C1QTNF3: variants seen among roughly 807,000 people sequenced by gnomAD.
C1QTNF3 encodes the protein C1q and TNF related 3, also known as complement C1q tumor necrosis factor-related protein 3.
C1QTNF3 carries 26 observed loss-of-function variants against 32.6 expected under a neutral mutation model. The observed-to-expected ratio is 0.80, with a 90% CI of 0.58 to 1.11. C1QTNF3 has a LOEUF of 1.11. Ranked by LOEUF, C1QTNF3 falls within the 50% of genes least tolerant of loss-of-function variation. The probability of loss-of-function intolerance (pLI) is 0.00; values close to 1 mark genes in which losing one functional copy is unlikely to be tolerated. For missense variants in C1QTNF3, 362 were observed against 398.2 expected, an observed-to-expected ratio of 0.91 and a Z score of 0.77; for synonymous variants, 155 against 146.0, an observed-to-expected ratio of 1.06 and a Z score of -0.44.
chr5:34,241,622 A>T, the C1QTNF3 span, among the ~76,000 whole-genome samples: 1 of 151,944 alleles, frequency 6.6e-6, no homozygotes, highest in African/African-American at 2.4e-5. Flanking sequence ...TACAAAACAC[A>T]GCTGAAATCT....
At chr5:34,083,343 A>G in the C1QTNF3 span, among the ~76,000 whole-genome samples, 2 of 151,698 alleles carry the variant, frequency 1.3e-5, no homozygotes, top group Admixed American at 1.3e-4. Flanking sequence ...TAAAAACTAC[A>G]ATACAACACC....
the C1QTNF3 span, among the ~76,000 whole-genome samples, chr5:34,085,955 T>C: frequency 2.0e-5 from 3 of 150,448 alleles, no homozygotes; most frequent in Non-Finnish European, 2.9e-5. Context: ...ACCCAAAGGA[T>C]TATAAATCAT....
chr5:34,079,724 T>G, the C1QTNF3 span, among the ~76,000 whole-genome samples: 1 of 151,742 alleles, frequency 6.6e-6, no homozygotes, highest in Non-Finnish European at 1.5e-5. Context: ...ATGATAAGTC[T>G]GAGTCAAAAT....
At chr5:34,022,857 T>C (rs1264403960) in intron 5 of C1QTNF3, among the ~76,000 whole-genome samples, 1 of 152,120 alleles carries the variant, frequency 6.6e-6, no homozygotes, top group Non-Finnish European at 1.5e-5. Context: ...GTTTGTTTTT[T>C]GTTTTGTTTT....
chr5:34,158,299 G>GT, the C1QTNF3 span: 1 of 151,904 alleles, frequency 6.6e-6, no homozygotes, highest in South Asian at 2.1e-4. Context: ...TAGAGTCGGG[G>GT]TTTCACCATG....
At chr5:34,114,822 G>A in the C1QTNF3 span, among the ~76,000 whole-genome samples, 1 of 144,428 alleles carries the variant, frequency 6.9e-6, no homozygotes, top group African/African-American at 2.9e-5. Context: ...ATTGTGCCCT[G>A]TGTCTTAATT....
At chr5:34,081,368 A>T in the C1QTNF3 span, among the ~76,000 whole-genome samples, 1 of 151,712 alleles carries the variant, frequency 6.6e-6, no homozygotes, top group Non-Finnish European at 1.5e-5. Context: ...GTAAAGAAAC[A>T]TTTCTTAAAG....
chr5:34,240,104 A>G, the C1QTNF3 span, among the ~76,000 whole-genome samples: 77 of 151,604 alleles, frequency 5.1e-4, no homozygotes, highest in African/African-American at 1.9e-3. Flanking sequence ...TGGGAACACA[A>G]ATTACCAAAA....
the C1QTNF3 span, among the ~76,000 whole-genome samples, chr5:34,159,211 C>A: frequency 6.6e-6 from 1 of 151,806 alleles, no homozygotes; most frequent in Non-Finnish European, 1.5e-5. Context: ...AATTCATAAA[C>A]CTATAATGTT....
chr5:34,021,634 A>T (rs1296975444), intron 5 of C1QTNF3, among the ~76,000 whole-genome samples: 1 of 152,228 alleles, frequency 6.6e-6, no homozygotes, highest in Non-Finnish European at 1.5e-5. Flanking sequence ...GCTGTAAGTC[A>T]TCATTCTCAG....
At chr5:34,034,396 G>A (rs1185939215) in intron 2 of C1QTNF3, among the ~76,000 whole-genome samples, 1 of 152,058 alleles carries the variant, frequency 6.6e-6, no homozygotes, top group African/African-American at 2.4e-5. Context: ...TTTATAACTG[G>A]GGAAAAGGTA....
the C1QTNF3 span, among the ~76,000 whole-genome samples, chr5:34,241,842 T>C: frequency 6.6e-6 from 1 of 150,746 alleles, no homozygotes. Context: ...CAGTGAGCTA[T>C]AGTAACTCCA....
chr5:34,242,373 G>A, the C1QTNF3 span, among the ~76,000 whole-genome samples: 699 of 152,256 alleles, frequency 4.6e-3, 5 homozygotes, highest in African/African-American at 0.016. Context: ...ACCACCATCT[G>A]GATCGTGGAC....
chr5:34,056,454 GTATATATA>G, the C1QTNF3 span, among the ~76,000 whole-genome samples: 1 of 48,972 alleles, frequency 2.0e-5, no homozygotes, highest in South Asian at 8.9e-4. Flanking sequence ...GTGTGTGTGT[GTATATATA>G]TATATATATA....
At chr5:34,138,485 G>A in the C1QTNF3 span, among the ~76,000 whole-genome samples, 32 of 151,772 alleles carry the variant, frequency 2.1e-4, no homozygotes, top group Admixed American at 3.9e-4. Context: ...ACCTAGAAAG[G>A]TTTGAGTATT....
the C1QTNF3 span, among the ~76,000 whole-genome samples, chr5:34,092,873 T>C: frequency 1.3e-5 from 2 of 152,066 alleles, no homozygotes; most frequent in Non-Finnish European, 2.9e-5. Context: ...CAGACATAAA[T>C]AAAAACAATA....
rs1368023187 is a variant in C1QTNF3 at position 34,019,310 on chromosome 5, T to C, written c.*1273A>G. ...GGCATTGGAAATTATCTGCACCTTT[T>C]CCCATCTCTGTTGTGAATCAATTTC... On this transcript the variant is annotated 3_prime_UTR_variant, in exon 6 of 6. Transcript: ENST00000382065. 1 of 152,140 alleles carries C rather than the reference T, an allele frequency of 6.6e-6. No individual in the cohort carries two copies. The highest frequency in any genetic ancestry group is 1.5e-5 in the Non-Finnish European group (1 of 68,044). 9.4% of individuals were successfully genotyped at this position (152,140 alleles called of 1,614,324 possible). A position where few individuals can be genotyped will look rare whatever the true frequency, so the allele number is the denominator to read the frequency against.
the C1QTNF3 span, chr5:34,220,026 A>G: frequency 1.3e-5 from 2 of 152,128 alleles, no homozygotes; most frequent in Non-Finnish European, 2.9e-5. Context: ...ACTGGTCAGT[A>G]CTTGAAGGAG....
At chr5:34,224,890 C>A in the C1QTNF3 span, among the ~76,000 whole-genome samples, 1 of 151,948 alleles carries the variant, frequency 6.6e-6, no homozygotes, top group African/African-American at 2.4e-5. Context: ...AGAAAATTTT[C>A]GCAATCTACT....
Sources: allele counts gnomAD v4.1 joint callset (sites outside exome capture counted in the v4.1 genomes callset), GRCh38; gene constraint gnomAD v4.1.1; transcripts MANE v1.5; gene names NCBI Gene and HGNC (gene_info 2026-07-23, HGNC 2026-07-21).